Variants in DOT1L observed in about 807,000 individuals in gnomAD.
The protein encoded by DOT1L is histone-lysine N-methyltransferase, H3 lysine-79 specific.
Under a neutral mutation model 153.3 loss-of-function variants are expected in DOT1L, and 33 were observed. The observed-to-expected ratio is 0.22, with a 90% CI of 0.16 to 0.29. The LOEUF is 0.29. DOT1L is among the 10% of genes least tolerant of loss of function. The probability of loss-of-function intolerance (pLI) is 1.00; values close to 1 mark genes in which losing one functional copy is unlikely to be tolerated. For missense variants in DOT1L, 1,847 were observed against 2,119.9 expected (o/e 0.87, Z 2.53); for synonymous variants, 1,135 against 965.1 (o/e 1.18, Z -3.26).
intron 27 of DOT1L, chr19:2,227,526 A>G: frequency 1.9e-6 from 1 of 530,764 alleles, no homozygotes; most frequent in Non-Finnish European, 3.3e-6. Context: ...CGCCGGGGGG[A>G]GCGGCCTGGC....
intron 1 of DOT1L, among the ~76,000 whole-genome samples, chr19:2,173,700 C>A (rs1387519520): frequency 6.6e-6 from 1 of 152,250 alleles, no homozygotes; most frequent in Non-Finnish European, 1.5e-5. Flanking sequence ...AGACCTCCCC[C>A]AGACCCATAG....
At chr19:2,173,888 C>T (rs1186998782) in intron 1 of DOT1L, among the ~76,000 whole-genome samples, 4 of 152,238 alleles carry the variant, frequency 2.6e-5, no homozygotes, top group Admixed American at 2.0e-4. Flanking sequence ...CCTCAGCCCT[C>T]CTGAGCCCCT....
At chr19:2,175,008 T>A (rs10669421) in intron 1 of DOT1L, among the ~76,000 whole-genome samples, 6,356 of 83,796 alleles carry the variant, frequency 0.076, 236 homozygotes, top group Non-Finnish European at 0.14. Flanking sequence ...ATATATATTT[T>A]TTTTTTTTTA....
intron 8 of DOT1L, among the ~76,000 whole-genome samples, chr19:2,202,130 C>T (rs983287332): frequency 4.6e-5 from 7 of 152,202 alleles, no homozygotes; most frequent in African/African-American, 7.2e-5. Context: ...GTGGGGAACA[C>T]GGGCAGCCCA....
chr19:2,208,864 C>T lies in DOT1L; in HGVS notation c.964-71C>T, dbSNP rs890011296. 1 of 1,527,384 alleles carries T rather than the reference C, an allele frequency of 6.5e-7. No homozygotes were observed. The highest frequency in any genetic ancestry group is 1.4e-5 in the African/African-American group (1 of 72,174). The allele number at this position is 1,527,384 out of a possible 1,614,324, so 94.6% of individuals were successfully genotyped here. Reference sequence around the variant, plus strand: ...CCACTGTCCAGGTTGCTGTTGTTACCTGGGTGTCCAGACAAATCCGAACAG... The same window carrying T: ...CCACTGTCCAGGTTGCTGTTGTTACTTGGGTGTCCAGACAAATCCGAACAG... On this transcript the variant is annotated intron_variant, in intron 11 of 27. Coordinates refer to ENST00000398665, the MANE Select transcript of DOT1L (RefSeq NM_032482.3). This position sits in a 1 kb window ranked among gnomAD's most constrained non-coding sequence, Gnocchi z 4.4.
intron 22 of DOT1L, among the ~76,000 whole-genome samples, chr19:2,218,584 G>A (rs1324845520): frequency 2.6e-5 from 4 of 151,702 alleles, no homozygotes; most frequent in African/African-American, 7.3e-5. Flanking sequence ...TAGTAGAGAT[G>A]GGGTTTCACC....
intron 1 of DOT1L, among the ~76,000 whole-genome samples, chr19:2,170,136 AC>A (rs1258589791): frequency 6.6e-6 from 1 of 152,242 alleles, no homozygotes; most frequent in African/African-American, 2.4e-5. Flanking sequence ...TCTGTCTCAA[AC>A]AAACAGACAA....
chr19:2,192,248 C>T (rs540794028), intron 5 of DOT1L, among the ~76,000 whole-genome samples: 99 of 152,336 alleles, frequency 6.5e-4, no homozygotes, highest in African/African-American at 2.3e-3. Flanking sequence ...CATCTTAGCA[C>T]TTGGAAGGCT....
intron 9 of DOT1L, among the ~76,000 whole-genome samples, chr19:2,205,447 GCTGA>G (rs372585674): frequency 6.7e-4 from 102 of 152,280 alleles, no homozygotes; most frequent in Middle Eastern, 6.8e-3. Flanking sequence ...CAGGTGCCTG[GCTGA>G]CTTTTTTGTA....
chr19:2,174,988 GTGTGTGTA>G (rs1275778786), intron 1 of DOT1L, among the ~76,000 whole-genome samples: 24 of 99,670 alleles, frequency 2.4e-4, no homozygotes, highest in African/African-American at 3.4e-4. Context: ...GTGTGTGTGT[GTGTGTGTA>G]TATATATATT....
At chr19:2,184,699 C>T (rs143619636) in intron 2 of DOT1L, among the ~76,000 whole-genome samples, 11 of 152,264 alleles carry the variant, frequency 7.2e-5, no homozygotes, top group Non-Finnish European at 1.0e-4. Context: ...TGGAGGGTAC[C>T]GTCCTGATGG....
At chr19:2,218,629 G>A (rs750972889) in intron 22 of DOT1L, among the ~76,000 whole-genome samples, 6 of 151,980 alleles carry the variant, frequency 3.9e-5, no homozygotes, top group Non-Finnish European at 8.8e-5. Context: ...TCCTGACCTA[G>A]TGATCCGCCC....
chr19:2,180,488 A>G (rs1238047953), intron 1 of DOT1L, among the ~76,000 whole-genome samples: 2 of 152,116 alleles, frequency 1.3e-5, no homozygotes, highest in Non-Finnish European at 1.5e-5. Flanking sequence ...TGCCTGTAGT[A>G]GGACACAGCG....
chr19:2,164,399 G>A, intron 1 of DOT1L, 134 bp downstream of exon 1: 1 of 533,572 alleles, frequency 1.9e-6, no homozygotes, highest in Non-Finnish European at 2.8e-6. Flanking sequence ...CACTGTCGCT[G>A]CTCCACCCCC....
rs773332079 is a variant in DOT1L at position 2,189,819 on chromosome 19, AG to A, written c.264+29del. 55 of 1,610,812 alleles carry A rather than the reference AG, an allele frequency of 3.4e-5. No individual in the cohort carries two copies. In the Admixed American group the frequency reaches 7.0e-4, roughly 20 times the overall value. The stretch of plus-strand genomic sequence containing the variant: ...TGGTAGGTGGCTTGCCCCTGCCCAG[AG>A]GGGGTTAGTAGTGCCAGGCTCCCGG... On this transcript the variant is annotated intron_variant, in intron 4 of 27. Transcript: ENST00000398665.
intron 10 of DOT1L, 143 bp downstream of exon 10, chr19:2,206,940 G>C: frequency 1.2e-6 from 1 of 831,580 alleles, no homozygotes; most frequent in Non-Finnish European, 2.0e-6. Context: ...GGCAGTGCAG[G>C]GTGCTGAGCA....
rs1224777801 is a variant in DOT1L at position 2,230,298 on chromosome 19, G to C, written c.*506G>C. On this transcript the variant is annotated 3_prime_UTR_variant, in exon 28 of 28. Coordinates refer to ENST00000398665, the MANE Select transcript of DOT1L (RefSeq NM_032482.3). Reference sequence around the variant, plus strand: ...CTGCTCCCGTACCAAAGGCAGGCCCGTCGCCACCACATTCCTCGGAGGCCT... The same window carrying C: ...CTGCTCCCGTACCAAAGGCAGGCCCCTCGCCACCACATTCCTCGGAGGCCT... The C allele has an allele frequency of 2.4e-6, 1 of 416,586 alleles. No individual in the cohort carries two copies. Among genetic ancestry groups the C allele is most frequent in the Non-Finnish European group, 4.2e-6 (1 of 237,310 alleles). The allele number at this position is 416,586 out of a possible 1,614,324, so 25.8% of individuals were successfully genotyped here. A position where few individuals can be genotyped will look rare whatever the true frequency, so the allele number is the denominator to read the frequency against.
In DOT1L at chr19:2,216,715, C is replaced by T; in HGVS notation, c.2358C>T (p.Ser786=). The T allele has an allele frequency of 6.2e-7, 1 of 1,601,194 alleles. No individual in the cohort carries two copies. Among genetic ancestry groups the T allele is most frequent in the Non-Finnish European group, 8.5e-7 (1 of 1,179,262 alleles). ...PAKIVLRRHL[S]QDHTVPGRPA... is the part of the protein sequence containing the mutation. ...AGATTGTGCTGAGGCGGCACCTGAG[C>T]CAGGACCACACGGTGCCCGGCAGGC... Residue 786 remains serine (S), a synonymous_variant, in exon 20 of 28, where the codon AGC becomes AGT. Coordinates refer to ENST00000398665, the MANE Select transcript of DOT1L (RefSeq NM_032482.3).
rs1049006607 is a variant in DOT1L, at chr19:2,221,696, C to T, written c.2807-280C>T. The T allele has an allele frequency of 1.5e-5, 7 of 475,536 alleles. No homozygotes were observed. In the Admixed American group the frequency reaches 2.2e-4, roughly 15 times the overall value. The allele number at this position is 475,536 out of a possible 1,614,324, so 29.5% of individuals were successfully genotyped here. On this transcript the variant is annotated intron_variant, in intron 23 of 27. Coordinates refer to ENST00000398665, the MANE Select transcript of DOT1L (RefSeq NM_032482.3). ...GAAGCCTAGCTCAGCGGGGAGCCCG[C>T]ACCAGGAGGCTTCTTGGGAGGCAGC...
Sources: gnomAD v4.1 joint callset for allele counts (sites outside exome capture counted in the v4.1 genomes callset) on GRCh38, gnomAD v4.1.1 for gene constraint, Gnocchi (gnomAD v3.1) non-coding constraint, MANE v1.5 for transcripts, NCBI Gene and HGNC (gene_info 2026-07-23, HGNC 2026-07-21) for gene names.